The following MARCHF3 variants were observed in gnomAD, a reference collection of about 807,000 sequenced individuals.
The protein encoded by MARCHF3 is E3 ubiquitin-protein ligase MARCHF3.
Under a neutral mutation model 24.2 loss-of-function variants are expected in MARCHF3, and 13 were observed. That is an observed-to-expected ratio of 0.54 (90% CI 0.35 to 0.85). The LOEUF (loss-of-function observed/expected upper bound fraction) is 0.85, where lower values mean the gene tolerates loss of function less well. Ranked by LOEUF, MARCHF3 falls within the 40% of genes least tolerant of loss-of-function variation. The probability of loss-of-function intolerance (pLI) is 0.01; values close to 1 mark genes in which losing one functional copy is unlikely to be tolerated. For missense variants in MARCHF3, 276 were observed against 325.0 expected, an observed-to-expected ratio of 0.85 and a Z score of 1.16; for synonymous variants, 144 against 137.3, an observed-to-expected ratio of 1.05 and a Z score of -0.34.
intron 4 of MARCHF3, 28 bp from the exon 5 acceptor site, chr5:126,870,819 A>G (rs1469087747): frequency 3.1e-6 from 5 of 1,612,272 alleles, no homozygotes; most frequent in Non-Finnish European, 3.4e-6. Context: ...AAAGTAAGAG[A>G]AAAGAATTCA....
chr5:126,981,621 G>A (rs892695846), intron 1 of MARCHF3, among the ~76,000 whole-genome samples: 2 of 152,238 alleles, frequency 1.3e-5, no homozygotes, highest in Non-Finnish European at 1.5e-5. Context: ...TCTCTTCAAA[G>A]TGAAGGTGTT....
intron 1 of MARCHF3, among the ~76,000 whole-genome samples, chr5:127,019,538 G>A (rs1752729076): frequency 6.6e-6 from 1 of 152,212 alleles, no homozygotes; most frequent in Non-Finnish European, 1.5e-5. Context: ...TTCAAAAGGA[G>A]ATCTTGGAAC....
chr5:127,019,142 T>G (rs568988583), intron 1 of MARCHF3, among the ~76,000 whole-genome samples: 1 of 152,352 alleles, frequency 6.6e-6, no homozygotes, highest in South Asian at 2.1e-4. Flanking sequence ...CATTAGGGTT[T>G]ATTGTGGTTC....
chr5:126,990,464 T>C (rs1751714479), intron 1 of MARCHF3, among the ~76,000 whole-genome samples: 1 of 152,104 alleles, frequency 6.6e-6, no homozygotes, highest in Non-Finnish European at 1.5e-5. Flanking sequence ...ACCTAGGCAA[T>C]ACCATTCAGG....
intron 1 of MARCHF3, among the ~76,000 whole-genome samples, chr5:126,996,809 A>G (rs1751961746): frequency 6.6e-6 from 1 of 152,194 alleles, no homozygotes; most frequent in Non-Finnish European, 1.5e-5. Context: ...CAAGTAAGAA[A>G]AAAAATAAGC....
rs534643060 is a variant in MARCHF3 at position 126,965,646 on chromosome 5, G to A, written c.-56-47419C>T. 4.6e-5 allele frequency among the ~76,000 whole-genome samples: 7 copies of A among 152,284 alleles called. No homozygotes were observed. In the South Asian group the frequency reaches 1.4e-3, roughly 32 times the overall value. Reference sequence around the variant, plus strand: ...GGGAGAAGGTTTACCTAAGTACAAGGTGAAGTGCCTAAAGCAGCACACAAA... The same window carrying A: ...GGGAGAAGGTTTACCTAAGTACAAGATGAAGTGCCTAAAGCAGCACACAAA... On this transcript the variant is annotated intron_variant, in intron 1 of 4. Coordinates refer to ENST00000308660, the MANE Select transcript of MARCHF3 (RefSeq NM_178450.5).
At chr5:126,957,389 A>AT (rs1750485252) in intron 1 of MARCHF3, among the ~76,000 whole-genome samples, 1 of 152,016 alleles carries the variant, frequency 6.6e-6, no homozygotes, top group Admixed American at 6.5e-5. Context: ...CCTATCAATC[A>AT]TTTTTTCTGC....
At chr5:127,026,953 A>G (rs1399207478) in intron 1 of MARCHF3, among the ~76,000 whole-genome samples, 27 of 152,220 alleles carry the variant, frequency 1.8e-4, no homozygotes, top group Admixed American at 1.8e-3. Flanking sequence ...GAAAGAAGTC[A>G]TTTGTTTTTT....
At chr5:126,970,826 A>C (rs1303634935) in intron 1 of MARCHF3, among the ~76,000 whole-genome samples, 1 of 152,138 alleles carries the variant, frequency 6.6e-6, no homozygotes, top group African/African-American at 2.4e-5. Context: ...CATTTCCAAA[A>C]CCACAGCTTA....
chr5:126,921,030 T>C (rs1210675733), intron 1 of MARCHF3, among the ~76,000 whole-genome samples: 1 of 151,556 alleles, frequency 6.6e-6, no homozygotes, highest in Non-Finnish European at 1.5e-5. Flanking sequence ...TCTTGGGCCA[T>C]ATCTGCAGAA....
At chr5:126,959,022 A>G (rs1750547393) in intron 1 of MARCHF3, among the ~76,000 whole-genome samples, 1 of 152,248 alleles carries the variant, frequency 6.6e-6, no homozygotes, top group African/African-American at 2.4e-5. Context: ...TCTTGTGCAG[A>G]TGAAATCCAA....
intron 1 of MARCHF3, among the ~76,000 whole-genome samples, chr5:126,937,240 G>C (rs554005970): frequency 1.1e-4 from 17 of 152,244 alleles, no homozygotes; most frequent in Non-Finnish European, 2.1e-4. Flanking sequence ...GGCAGTCACA[G>C]ATGTCAACAG....
intron 1 of MARCHF3, among the ~76,000 whole-genome samples, chr5:126,931,183 A>C (rs1185197390): frequency 2.0e-5 from 3 of 152,212 alleles, no homozygotes; most frequent in Non-Finnish European, 2.9e-5. Context: ...GGAATGGGTT[A>C]GGAAATGCAT....
intron 1 of MARCHF3, among the ~76,000 whole-genome samples, chr5:126,970,261 T>C (rs2126828509): frequency 6.6e-6 from 1 of 152,106 alleles, no homozygotes; most frequent in East Asian, 1.9e-4. Context: ...CTAACTTTTG[T>C]ATTTTTAGTA....
At chr5:126,960,310 G>A (rs1351588015) in intron 1 of MARCHF3, among the ~76,000 whole-genome samples, 6 of 152,036 alleles carry the variant, frequency 3.9e-5, no homozygotes, top group African/African-American at 1.2e-4. Context: ...TACTAATTTC[G>A]TTCCAGAGAT....
chr5:126,871,021 T>C (rs1384200824), intron 4 of MARCHF3, among the ~76,000 whole-genome samples: 5 of 152,218 alleles, frequency 3.3e-5, no homozygotes, highest in Non-Finnish European at 7.3e-5. Context: ...CATGGTGGCT[T>C]CCTTTGTTCC....
chr5:126,876,939 C>T (rs1300167893), intron 4 of MARCHF3, among the ~76,000 whole-genome samples: 1 of 152,156 alleles, frequency 6.6e-6, no homozygotes, highest in Non-Finnish European at 1.5e-5. Context: ...CATGAGCCAC[C>T]GCGCCCAGCT....
At chr5:126,964,808 GACA>G (rs901628219) in intron 1 of MARCHF3, among the ~76,000 whole-genome samples, 2 of 152,152 alleles carry the variant, frequency 1.3e-5, no homozygotes, top group African/African-American at 4.8e-5. Context: ...AGCTGAAGCA[GACA>G]ACAACATGGT....
intron 1 of MARCHF3, among the ~76,000 whole-genome samples, chr5:126,999,778 T>C (rs557797371): frequency 1.3e-5 from 2 of 152,274 alleles, no homozygotes; most frequent in African/African-American, 2.4e-5. Context: ...TGAAGGTACA[T>C]CAAATAAGAT....
Sources: allele counts gnomAD v4.1 joint callset (sites outside exome capture counted in the v4.1 genomes callset), GRCh38; gene constraint gnomAD v4.1.1; transcripts MANE v1.5; gene names NCBI Gene and HGNC (gene_info 2026-07-23, HGNC 2026-07-21).